The following LRFN5 variants were observed in gnomAD, a reference collection of about 807,000 sequenced individuals.
LRFN5 encodes leucine rich repeat and fibronectin type III domain containing 5.
A neutral mutation model predicts 45.6 loss-of-function variants in LRFN5; 24 were observed. The observed-to-expected ratio is 0.53, with a 90% CI of 0.38 to 0.74. The LOEUF is 0.74. Ranked by LOEUF, LRFN5 falls within the 30% of genes least tolerant of loss-of-function variation. The pLI is 0.00. For synonymous variants in LRFN5, 340 were observed against 313.8 expected (o/e 1.08, Z -0.88); for missense variants, 776 against 861.5 (o/e 0.90, Z 1.24).
chr14:41,639,534 T>C (rs532624836), intron 1 of LRFN5, among the ~76,000 whole-genome samples: 1 of 152,144 alleles, frequency 6.6e-6, no homozygotes, highest in Non-Finnish European at 1.5e-5. Flanking sequence ...TTTGTTCATT[T>C]ATGAAATAGT....
chr14:41,791,375 A>G (rs1296383261), intron 2 of LRFN5, among the ~76,000 whole-genome samples: 3 of 151,994 alleles, frequency 2.0e-5, no homozygotes, highest in Admixed American at 6.6e-5. Context: ...TGTTATAGTT[A>G]TCTACCTGTC....
chr14:41,805,159 C>T (rs1887476072), intron 2 of LRFN5, among the ~76,000 whole-genome samples: 1 of 151,890 alleles, frequency 6.6e-6, no homozygotes, highest in African/African-American at 2.4e-5. Flanking sequence ...AATTATGTGG[C>T]TTCTTTGCTT....
intron 1 of LRFN5, among the ~76,000 whole-genome samples, chr14:41,706,646 A>T (rs990299519): frequency 6.6e-6 from 1 of 152,078 alleles, no homozygotes; most frequent in African/African-American, 2.4e-5. Context: ...AGTCTATGTG[A>T]TGGATGTTAT....
intron 3 of LRFN5, 129 bp from the exon 4 acceptor site, chr14:41,891,121 T>A (rs1890764273): frequency 2.6e-6 from 2 of 756,262 alleles, no homozygotes; most frequent in East Asian, 5.3e-5. Flanking sequence ...TTAGATCATT[T>A]TTCAATAATT....
intron 2 of LRFN5, among the ~76,000 whole-genome samples, chr14:41,866,997 A>T (rs1889862693): frequency 6.6e-6 from 1 of 152,168 alleles, no homozygotes; most frequent in South Asian, 2.1e-4. Context: ...TATCTTACAT[A>T]GTGAGATACA....
chr14:41,682,060 C>T (rs1160962646), intron 1 of LRFN5, among the ~76,000 whole-genome samples: 8 of 150,588 alleles, frequency 5.3e-5, no homozygotes, highest in South Asian at 2.1e-4. Context: ...TCAAGTGATC[C>T]GCCTGCCTTG....
At chr14:41,861,751 G>A (rs1889671514) in intron 2 of LRFN5, among the ~76,000 whole-genome samples, 1 of 152,072 alleles carries the variant, frequency 6.6e-6, no homozygotes, top group African/African-American at 2.4e-5. Context: ...TATGCAGAAT[G>A]GTGCAAAAAG....
intron 2 of LRFN5, among the ~76,000 whole-genome samples, chr14:41,815,674 G>A (rs1887892552): frequency 6.6e-6 from 1 of 152,062 alleles, no homozygotes; most frequent in Non-Finnish European, 1.5e-5. Context: ...AGAGATCAAA[G>A]CTGCACTCCA....
chr14:41,672,183 G>T (rs1242801051), intron 1 of LRFN5, among the ~76,000 whole-genome samples: 2 of 152,234 alleles, frequency 1.3e-5, no homozygotes, highest in Non-Finnish European at 2.9e-5. Flanking sequence ...ATTAAGTTAG[G>T]ATAACACATG....
intron 1 of LRFN5, among the ~76,000 whole-genome samples, chr14:41,732,780 A>G (rs1260260656): frequency 1.5e-5 from 2 of 133,750 alleles, no homozygotes; most frequent in Non-Finnish European, 3.1e-5. Context: ...CAGATCTACT[A>G]GACAAAAAAA....
At chr14:41,797,062 G>A (rs1191252450) in intron 2 of LRFN5, among the ~76,000 whole-genome samples, 1 of 151,584 alleles carries the variant, frequency 6.6e-6, no homozygotes, top group African/African-American at 2.4e-5. Context: ...ATTTCAAATA[G>A]TTTTTAATCT....
chr14:41,800,834 G>A (rs1231145935), intron 2 of LRFN5, among the ~76,000 whole-genome samples: 2 of 151,580 alleles, frequency 1.3e-5, no homozygotes, highest in African/African-American at 2.4e-5. Flanking sequence ...TTGTCTAAGT[G>A]CTTTATAGGA....
chr14:41,774,600 G>A (rs559605167), intron 2 of LRFN5, among the ~76,000 whole-genome samples: 15 of 152,238 alleles, frequency 9.9e-5, no homozygotes, highest in African/African-American at 3.6e-4. Flanking sequence ...AAATTGTATG[G>A]AAAAAACATC....
chr14:41,699,193 T>G (rs74046622), intron 1 of LRFN5, among the ~76,000 whole-genome samples: 2,258 of 152,178 alleles, frequency 0.015, 13 homozygotes, highest in African/African-American at 0.021. Flanking sequence ...AAATGAATAT[T>G]CTTACCTTGT....
At chr14:41,801,282 T>C (rs1887322233) in intron 2 of LRFN5, among the ~76,000 whole-genome samples, 1 of 152,136 alleles carries the variant, frequency 6.6e-6, no homozygotes, top group African/African-American at 2.4e-5. Context: ...ATTAAGTATA[T>C]GTATGTTTGT....
At chr14:41,706,168 T>A (rs1883058312) in intron 1 of LRFN5, among the ~76,000 whole-genome samples, 1 of 152,138 alleles carries the variant, frequency 6.6e-6, no homozygotes, top group South Asian at 2.1e-4. Flanking sequence ...TGGTGCGATC[T>A]TGGCTCACCG....
In LRFN5 at chr14:41,891,734, A is replaced by G. The variant is rs746859291; in HGVS notation, c.1870A>G (p.Thr624Ala). The change falls in exon 4 of 6, where the codon ACC becomes GCC. Residue 624 changes from threonine (T) to alanine (A), a missense_variant. This residue lies in a region of LRFN5 where 465 missense variants were observed against 456.4 expected (regional missense o/e 1.02). Transcript: ENST00000298119. ...SETCSSQDSS[T>A]TTSALPPSWT... ...AACTTGTTCGAGTCAGGACTCCTCT[A>G]CCACTACCTCTGCTTTGCCTCCTTC... 5.0e-6 allele frequency: 8 copies of G among 1,614,184 alleles called. No individual in the cohort carries two copies. Among genetic ancestry groups the G allele is most frequent in the Non-Finnish European group, 5.1e-6 (6 of 1,180,036 alleles).
At chr14:41,765,928 A>C (rs920012666) in intron 1 of LRFN5, among the ~76,000 whole-genome samples, 1 of 152,076 alleles carries the variant, frequency 6.6e-6, no homozygotes, top group African/African-American at 2.4e-5. Flanking sequence ...CACTTCTTTA[A>C]ATTTTGACTC....
intron 2 of LRFN5, among the ~76,000 whole-genome samples, chr14:41,861,994 T>G (rs4904915): frequency 1.3e-5 from 2 of 151,900 alleles, no homozygotes; most frequent in African/African-American, 4.8e-5. Flanking sequence ...CCATGCTGTT[T>G]TCACGAGATC....
Sources: allele counts gnomAD v4.1 joint callset (sites outside exome capture counted in the v4.1 genomes callset), GRCh38; gene constraint gnomAD v4.1.1; regional missense constraint gnomAD v4.1.1; transcripts MANE v1.5; gene names NCBI Gene and HGNC (gene_info 2026-07-23, HGNC 2026-07-21).